The following HDC variants were observed in gnomAD, a reference collection of about 807,000 sequenced individuals.
The protein encoded by HDC is histidine decarboxylase.
A neutral mutation model predicts 64.4 loss-of-function variants in HDC; 27 were observed. The ratio of observed to expected loss-of-function variants is 0.42; its 90% confidence interval spans 0.31 to 0.58. The LOEUF (loss-of-function observed/expected upper bound fraction) is 0.58, where lower values mean the gene tolerates loss of function less well. Ranked by LOEUF, HDC falls within the 20% of genes least tolerant of loss-of-function variation. HDC has a pLI of 0.16. For synonymous variants in HDC, 305 were observed against 314.2 expected, an observed-to-expected ratio of 0.97 and a Z score of 0.31; for missense variants, 711 against 833.9, an observed-to-expected ratio of 0.85 and a Z score of 1.81.
chr15:50,257,315 G>T, intron 4 of HDC, 110 bp downstream of exon 4: 1 of 1,341,814 alleles, frequency 7.5e-7, no homozygotes, highest in Non-Finnish European at 1.1e-6. Context: ...TGACGGTGTG[G>T]GTAATGTGGG....
At chr15:50,243,513 C>T (rs2045431986) in intron 10 of HDC, among the ~76,000 whole-genome samples, 1 of 152,250 alleles carries the variant, frequency 6.6e-6, no homozygotes, top group African/African-American at 2.4e-5. Context: ...ACCCAGAAGG[C>T]ATGTGCTTTG....
At chr15:50,257,889 T>C (rs1285094192) in intron 3 of HDC, among the ~76,000 whole-genome samples, 1 of 151,822 alleles carries the variant, frequency 6.6e-6, no homozygotes, top group Non-Finnish European at 1.5e-5. Context: ...AGAAAAGATA[T>C]GAATACCCCC....
At chr15:50,253,923 A>AT (rs1233387529) in intron 6 of HDC, 3 of 659,028 alleles carry the variant, frequency 4.6e-6, no homozygotes, top group Non-Finnish European at 7.9e-6. Context: ...CTAATATTTT[A>AT]TACTATATTT....
At chr15:50,253,046 G>C (rs973733719) in intron 7 of HDC, 4 of 524,850 alleles carry the variant, frequency 7.6e-6, no homozygotes, top group Middle Eastern at 1.0e-3. Context: ...CCTCAGCCTA[G>C]AACATCCTGG....
In HDC at chr15:50,242,231, T is replaced by A. The variant is rs1383745488; in HGVS notation, c.*29A>T. The A allele has an allele frequency of 1.3e-6, 2 of 1,589,666 alleles. No homozygotes were observed. The highest frequency in any genetic ancestry group is 2.7e-5 in the African/African-American group (2 of 74,332). Reference sequence around the variant, plus strand: ...GGGTTCACAGAGTCCCTGAAGTATATCCTCAGACTCTGGCTGAAGGCCCTG... The same window carrying A: ...GGGTTCACAGAGTCCCTGAAGTATAACCTCAGACTCTGGCTGAAGGCCCTG... On this transcript the variant is annotated 3_prime_UTR_variant, in exon 12 of 12. Transcript: ENST00000267845.
intron 2 of HDC, among the ~76,000 whole-genome samples, chr15:50,259,016 G>T (rs762021840): frequency 2.0e-5 from 3 of 151,718 alleles, no homozygotes; most frequent in Non-Finnish European, 4.4e-5. Flanking sequence ...AAAAAAATTA[G>T]CCAGGCGGGG....
chr15:50,258,279 A>G, intron 3 of HDC, 125 bp downstream of exon 3: 1 of 706,514 alleles, frequency 1.4e-6, no homozygotes, highest in Non-Finnish European at 2.6e-6. Context: ...AAGCTTAAAG[A>G]ATATAGCCCT....
intron 4 of HDC, 117 bp downstream of exon 4, chr15:50,257,308 C>A: frequency 6.4e-6 from 8 of 1,256,708 alleles, no homozygotes; most frequent in Middle Eastern, 4.1e-4. Flanking sequence ...TTGGTGATGA[C>A]GGTGTGGGTA....
At chr15:50,259,616 C>G (rs181103167) in intron 2 of HDC, among the ~76,000 whole-genome samples, 270 of 152,296 alleles carry the variant, frequency 1.8e-3, no homozygotes, top group Non-Finnish European at 2.8e-3. Context: ...TAGAAAGGCA[C>G]TCTCTATAAA....
intron 7 of HDC, chr15:50,253,201 C>G (rs569747540): frequency 2.7e-6 from 1 of 371,838 alleles, no homozygotes; most frequent in African/African-American, 2.1e-5. Context: ...CCTTTAATCT[C>G]TCCCATGATT....
At chr15:50,243,068 C>T (rs2045424842) in intron 11 of HDC, 62 bp from the exon 12 acceptor site, 1 of 1,613,856 alleles carries the variant, frequency 6.2e-7, no homozygotes, top group Admixed American at 1.7e-5. Flanking sequence ...CCCCAGAGCC[C>T]AGCATTTGTG....
At position 50,257,406 on chromosome 15, in the gene HDC, GC is replaced by G. The variant is rs2045646028; in HGVS notation, c.441+18del. On this transcript the variant is annotated intron_variant, in intron 4 of 11. Transcript: ENST00000267845. ...CTACTTAGCCCCCAAGCTAGGTGAA[GC>G]TTTGCCAAGGGAGGTACCTGCAGGA... The G allele has an allele frequency of 6.2e-7, 1 of 1,614,038 alleles. No individual in the cohort carries two copies. The highest frequency in any genetic ancestry group is 1.3e-5 in the African/African-American group (1 of 74,934).
intron 4 of HDC, among the ~76,000 whole-genome samples, chr15:50,255,286 C>T (rs575250447): frequency 6.6e-6 from 1 of 152,330 alleles, no homozygotes; most frequent in African/African-American, 2.4e-5. Context: ...GGGGCCACCT[C>T]AGGAACTTCA....
At position 50,242,044 on chromosome 15, in the gene HDC, T is replaced by C; in HGVS notation, c.*216A>G. The C allele has an allele frequency of 1.7e-6, 1 of 598,492 alleles. No individual in the cohort carries two copies. The highest frequency in any genetic ancestry group is 3.0e-6 in the Non-Finnish European group (1 of 337,250). The allele number at this position is 598,492 out of a possible 1,614,324, so 37.1% of individuals were successfully genotyped here. A position where few individuals can be genotyped will look rare whatever the true frequency, so the allele number is the denominator to read the frequency against. ...CTGTCTACCCTCGGCCCTTTCTCAC[T>C]GACCAGACTGCTGAACCCATCTGGA... On this transcript the variant is annotated 3_prime_UTR_variant, in exon 12 of 12. Coordinates refer to ENST00000267845, the MANE Select transcript of HDC (RefSeq NM_002112.4).
At chr15:50,253,830 A>G (rs1256030684) in intron 6 of HDC, 164 bp from the exon 7 acceptor site, 12 of 702,342 alleles carry the variant, frequency 1.7e-5, no homozygotes, top group Non-Finnish European at 2.8e-5. Context: ...CACATTTTAT[A>G]TAACAATCTA....
intron 10 of HDC, among the ~76,000 whole-genome samples, chr15:50,245,514 G>A (rs921726796): frequency 7.9e-5 from 12 of 152,168 alleles, no homozygotes; most frequent in African/African-American, 1.2e-4. Flanking sequence ...ACTTAACTGA[G>A]TAGTAGGTAG....
At chr15:50,254,459 A>T in intron 5 of HDC, 71 bp downstream of exon 5, 1 of 1,609,428 alleles carries the variant, frequency 6.2e-7, no homozygotes, top group Non-Finnish European at 8.5e-7. Flanking sequence ...TCTAGAAAAA[A>T]ATTGCTCAAG....
At chr15:50,264,467 T>C (rs1213778870) in intron 1 of HDC, among the ~76,000 whole-genome samples, 2 of 152,026 alleles carry the variant, frequency 1.3e-5, no homozygotes, top group East Asian at 1.9e-4. Context: ...TAAAAAAAAA[T>C]GTATCAAGTG....
intron 2 of HDC, among the ~76,000 whole-genome samples, chr15:50,259,705 C>G (rs1449028363): frequency 6.6e-6 from 1 of 152,198 alleles, no homozygotes; most frequent in East Asian, 1.9e-4. Context: ...CCCCAGCTCC[C>G]ACAGCTCCCT....
Sources: gnomAD v4.1 joint callset for allele counts (sites outside exome capture counted in the v4.1 genomes callset) on GRCh38, gnomAD v4.1.1 for gene constraint, MANE v1.5 for transcripts, NCBI Gene and HGNC (gene_info 2026-07-23, HGNC 2026-07-21) for gene names.